The following PCDH11X variants were observed in gnomAD, a reference collection of about 807,000 sequenced individuals.
PCDH11X encodes the protein protocadherin 11 X-linked.
Under a neutral mutation model 53.3 loss-of-function variants are expected in PCDH11X, and 18 were observed. The ratio of observed to expected loss-of-function variants is 0.34; its 90% confidence interval spans 0.23 to 0.50. The LOEUF (loss-of-function observed/expected upper bound fraction) is 0.50. Ranked by LOEUF, PCDH11X falls within the 20% of genes least tolerant of loss-of-function variation. The pLI, the probability that PCDH11X is intolerant of heterozygous loss-of-function variation, is 0.98. For missense variants in PCDH11X, 570 were observed against 1,032.4 expected, an observed-to-expected ratio of 0.55 and a Z score of 6.14; for synonymous variants, 279 against 393.3, an observed-to-expected ratio of 0.71 and a Z score of 3.44.
chrX:92,164,739 A>T (rs1386377962), intron 6 of PCDH11X, among the ~76,000 whole-genome samples: 1 of 109,309 alleles, frequency 9.1e-6, no homozygotes, highest in Non-Finnish European at 1.9e-5. Context: ...CCCAAATCTC[A>T]TCTTGAATTG....
At chrX:92,574,474 A>C (rs992177654) in intron 10 of PCDH11X, among the ~76,000 whole-genome samples, 3 of 105,488 alleles carry the variant, frequency 2.8e-5, no homozygotes, top group Non-Finnish European at 5.9e-5. Context: ...AGAAACATGA[A>C]AATCCTTAGC....
intron 6 of PCDH11X, among the ~76,000 whole-genome samples, chrX:92,115,770 T>C (rs7884259): frequency 0.013 from 1,420 of 109,805 alleles, 19 homozygotes; most frequent in African/African-American, 0.044. Flanking sequence ...TTATCCCACC[T>C]TCTTCTGACT....
chrX:91,840,837 AATGAGT>A (rs1220529401), intron 5 of PCDH11X, among the ~76,000 whole-genome samples: 1 of 108,408 alleles, frequency 9.2e-6, no homozygotes, highest in African/African-American at 3.3e-5. Context: ...ATACTATAAC[AATGAGT>A]ATAACAATTT....
intron 1 of PCDH11X, among the ~76,000 whole-genome samples, chrX:91,791,637 C>CT (rs1214663391): frequency 9.3e-6 from 1 of 108,076 alleles, no homozygotes; most frequent in African/African-American, 3.4e-5. Flanking sequence ...TTCCATGTAC[C>CT]TAATGGGGCA....
Position 92,021,475 on chromosome X carries a change from A to AT in PCDH11X, c.3033+142203dup, listed in dbSNP as rs959596559. The stretch of plus-strand genomic sequence containing the variant: ...ATATGCAGAGAAGATTAGAAAATAA[A>AT]TAAAGAAATGGAACGAACAAAACCT... On this transcript the variant is annotated intron_variant, in intron 6 of 10. Transcript: ENST00000682573. 3.6e-5 allele frequency among the ~76,000 whole-genome samples: 4 copies of AT among 110,468 alleles called. 1 individual carries two copies. The highest frequency in any genetic ancestry group is 1.3e-4 in the African/African-American group (4 of 30,354).
Position 92,102,980 on chromosome X carries a change from G to T in PCDH11X, c.3034-98395G>T, listed in dbSNP as rs773587450. On this transcript the variant is annotated intron_variant, in intron 6 of 10. Coordinates refer to ENST00000682573, the MANE Select transcript of PCDH11X (RefSeq NM_032968.5). ...TTAATCCTTTCAAAGCGTGCTGTGGGATGGGATATTGCCGTTGAGCGGGGT... is the reference window on the plus strand; with the variant it reads ...TTAATCCTTTCAAAGCGTGCTGTGGTATGGGATATTGCCGTTGAGCGGGGT... Among the ~76,000 whole-genome samples the T allele has an allele frequency of 7.2e-5, 8 of 111,464 alleles. No homozygotes were observed. The South Asian group carries it at 3.0e-3, about 42-fold the overall frequency.
At chrX:91,858,886 C>T (rs929705447) in intron 5 of PCDH11X, among the ~76,000 whole-genome samples, 1 of 111,492 alleles carries the variant, frequency 9.0e-6, no homozygotes, top group Non-Finnish European at 1.9e-5. Flanking sequence ...TATTTAGGAT[C>T]CCTCTAAACT....
intron 6 of PCDH11X, chrX:91,982,803 A>G: frequency 1.3e-6 from 1 of 767,319 alleles, no homozygotes; most frequent in Non-Finnish European, 2.0e-6. Context: ...CACTTTAGCC[A>G]AGAAGCAGGC....
At chrX:92,370,819 T>C (rs1159252063) in intron 8 of PCDH11X, among the ~76,000 whole-genome samples, 1 of 112,257 alleles carries the variant, frequency 8.9e-6, no homozygotes, top group Non-Finnish European at 1.9e-5. Flanking sequence ...CAATGGAATA[T>C]TGAAGTCTAC....
chrX:92,146,353 G>A (rs2065267104), intron 6 of PCDH11X, among the ~76,000 whole-genome samples: 1 of 110,956 alleles, frequency 9.0e-6, no homozygotes, highest in African/African-American at 3.3e-5. Flanking sequence ...GGGGGTGAGA[G>A]GGAGCCTACA....
chrX:92,403,453 C>T (rs1375241906), intron 9 of PCDH11X, among the ~76,000 whole-genome samples: 1 of 101,316 alleles, frequency 9.9e-6, no homozygotes, highest in Non-Finnish European at 2.0e-5. Flanking sequence ...GTAAATATCT[C>T]GTTTAGTCTG....
chrX:92,003,074 A>G (rs1316055980), intron 6 of PCDH11X, among the ~76,000 whole-genome samples: 1 of 103,745 alleles, frequency 9.6e-6, no homozygotes, highest in Non-Finnish European at 2.0e-5. Context: ...GTCTATTCCC[A>G]GGTTTTTTAG....
At chrX:92,448,549 C>A (rs1420174969) in intron 9 of PCDH11X, among the ~76,000 whole-genome samples, 1 of 91,866 alleles carries the variant, frequency 1.1e-5, no homozygotes, top group Non-Finnish European at 2.2e-5. Flanking sequence ...CCACCCCCTG[C>A]CATGTAGAAC....
At chrX:92,119,082 T>C (rs1404442830) in intron 6 of PCDH11X, among the ~76,000 whole-genome samples, 1 of 109,705 alleles carries the variant, frequency 9.1e-6, no homozygotes, top group East Asian at 2.9e-4. Context: ...ATTATTTATT[T>C]ATTTTTAATT....
chrX:92,354,670 T>C (rs1383302980), intron 8 of PCDH11X, among the ~76,000 whole-genome samples: 1 of 111,700 alleles, frequency 9.0e-6, no homozygotes. Flanking sequence ...AATATTACTA[T>C]AAATGAAGAA....
chrX:92,135,970 A>C (rs1462058762), intron 6 of PCDH11X, among the ~76,000 whole-genome samples: 1 of 111,533 alleles, frequency 9.0e-6, no homozygotes, highest in African/African-American at 3.3e-5. Flanking sequence ...CATTATCTCT[A>C]AACAAAAATA....
intron 9 of PCDH11X, chrX:92,459,663 C>G: frequency 1.1e-6 from 1 of 937,621 alleles, no homozygotes; most frequent in Non-Finnish European, 1.5e-6. Flanking sequence ...CCTCCCCGGA[C>G]AGCATGAGCT....
intron 7 of PCDH11X, among the ~76,000 whole-genome samples, chrX:92,225,834 C>G (rs948368865): frequency 2.7e-5 from 3 of 111,606 alleles, no homozygotes; most frequent in African/African-American, 9.7e-5. Flanking sequence ...TCTTTTTAAG[C>G]AAAGTATGTC....
In PCDH11X at chrX:91,929,037, CT is replaced by C. The variant is rs762451277; in HGVS notation, c.3033+49765del. On this transcript the variant is annotated intron_variant, in intron 6 of 10. Coordinates refer to ENST00000682573, the MANE Select transcript of PCDH11X (RefSeq NM_032968.5). ...TGTAATATTTTAGAGACCTTAACAA[CT>C]GTAACCTGAATCTGATAAAATGGTG... 2.0e-3 allele frequency among the ~76,000 whole-genome samples: 226 copies of C among 110,872 alleles called. 1 individual carries two copies. The highest frequency in any genetic ancestry group is 2.8e-3 in the Non-Finnish European group (149 of 52,694).
Sources: allele counts gnomAD v4.1 joint callset (sites outside exome capture counted in the v4.1 genomes callset), GRCh38; gene constraint gnomAD v4.1.1; transcripts MANE v1.5; gene names NCBI Gene and HGNC (gene_info 2026-07-23, HGNC 2026-07-21).